The following LTB4R2 variants were observed in gnomAD, a reference collection of about 807,000 sequenced individuals.
LTB4R2 encodes the protein leukotriene B4 receptor 2, also known as LTB4 receptor JULF2.
Under a neutral mutation model 5.3 loss-of-function variants are expected in LTB4R2, and 6 were observed. The ratio of observed to expected loss-of-function variants is 1.14; its 90% CI spans 0.62 to 2.24. The LOEUF (loss-of-function observed/expected upper bound fraction) is 2.24, where lower values mean the gene tolerates loss of function less well. LTB4R2 is among the 30% of genes most tolerant of loss of function. The probability of loss-of-function intolerance (pLI) is 0.00; values close to 1 mark genes in which losing one functional copy is unlikely to be tolerated. For synonymous variants in LTB4R2, 310 were observed against 264.2 expected (o/e 1.17, Z -1.68); for missense variants, 560 against 521.5 (o/e 1.07, Z -0.72).
At chr14:24,310,444 T>A in intron 1 of LTB4R2, 189 bp downstream of exon 1, 1 of 686,210 alleles carries the variant, frequency 1.5e-6, no homozygotes, top group South Asian at 1.5e-5. Flanking sequence ...GTGGGGCAGG[T>A]CAACTGACTG....
chr14:24,310,737 G>C lies in LTB4R2; in HGVS notation c.73G>C (p.Ala25Pro). 1.2e-6 allele frequency: 2 copies of C among 1,612,060 alleles called. No individual in the cohort carries two copies. Among genetic ancestry groups the C allele is most frequent in the Non-Finnish European group, 1.7e-6 (2 of 1,179,898 alleles). The change falls in exon 2 of 2, where the codon GCC (alanine) becomes CCC (proline). Residue 25 changes from alanine to proline, a missense_variant. Coordinates refer to ENST00000533293, the MANE Select transcript of LTB4R2 (RefSeq NM_019839.5). ...SWKTSRATGT[A>P]FLLLAALLGL... Reference sequence around the variant, plus strand: ...GAAGACTTCGCGGGCCACAGGCACAGCCTTCCTGCTGCTGGCGGCGCTGCT... The same window carrying C: ...GAAGACTTCGCGGGCCACAGGCACACCCTTCCTGCTGCTGGCGGCGCTGCT...
rs2041669697 is a variant in LTB4R2, at chr14:24,310,808, G to GCGGGCTGT, written c.147_148insGCTGTCGG (p.Pro50AlafsTer36). 3 of 1,597,712 alleles carry GCGGGCTGT rather than the reference G, an allele frequency of 1.9e-6. No individual in the cohort carries two copies. The highest frequency in any genetic ancestry group is 2.6e-6 in the Non-Finnish European group (3 of 1,174,340). On this transcript the variant is annotated frameshift_variant, in exon 2 of 2. Coordinates refer to ENST00000533293, the MANE Select transcript of LTB4R2 (RefSeq NM_019839.5). LOFTEE classifies it low-confidence loss of function (END_TRUNC). ...TCGTGGTGTGGAGCTTGGCGGGCTG[G>GCGGGCTGT]CGGCCTGCACGGGGGCGACCGCTGG...
Position 24,311,061 on chromosome 14 carries a change from C to T in LTB4R2, c.397C>T (p.Arg133Cys). ...VTRPFLAPRL[R>C]SPALARRLLL... The stretch of plus-strand genomic sequence containing the variant: ...CCGCCCCTTCCTGGCGCCTCGGCTG[C>T]GCAGCCCGGCCCTGGCCCGCCGCCT... The change falls in exon 2 of 2, where the codon CGC becomes TGC. Residue 133 changes from arginine to cysteine, a missense_variant. Physicochemically the swap from Arg to Cys is radical, Grantham distance 180. Coordinates refer to ENST00000533293, the MANE Select transcript of LTB4R2 (RefSeq NM_019839.5). The T allele has an allele frequency of 6.4e-7, 1 of 1,566,442 alleles. No individual in the cohort carries two copies. The highest frequency in any genetic ancestry group is 8.6e-7 in the Non-Finnish European group (1 of 1,165,636).
Position 24,311,873 on chromosome 14 carries a change from A to C in LTB4R2, c.*132A>C. 1 of 854,394 alleles carries C rather than the reference A, an allele frequency of 1.2e-6. No individual in the cohort carries two copies. Among genetic ancestry groups the C allele is most frequent in the East Asian group, 2.7e-5 (1 of 37,084 alleles). 52.9% of individuals were successfully genotyped at this position (854,394 alleles called of 1,614,324 possible). ...TTGGATCTGGCTGGGTAGGATTACT[A>C]TACACTTGGGGCAGGCCCAGGCTCC... is the stretch of plus-strand genomic sequence containing the variant. On this transcript the variant is annotated 3_prime_UTR_variant, in exon 2 of 2. Coordinates refer to ENST00000533293, the MANE Select transcript of LTB4R2 (RefSeq NM_019839.5).
Position 24,311,324 on chromosome 14 carries a change from G to T in LTB4R2, c.660G>T (p.Ala220=). The change falls in exon 2 of 2, where the codon GCG becomes GCT. Residue 220 remains alanine (A), a synonymous_variant. Transcript: ENST00000533293. The stretch of plus-strand genomic sequence containing the variant: ...GCTGGGGCTCCGGGCGGCACGGGGC[G>T]CGGGTGGGCCGGCTGGTGAGCGCCA... ...GARWGSGRHG[A]RVGRLVSAIV... 1 of 1,599,882 alleles carries T rather than the reference G, an allele frequency of 6.3e-7. No homozygotes were observed.
At position 24,311,685 on chromosome 14, in the gene LTB4R2, G is replaced by C. The variant is rs781449905; in HGVS notation, c.1021G>C (p.Gly341Arg). The change falls in exon 2 of 2, where the codon GGC becomes CGC. Residue 341 changes from glycine to arginine, a missense_variant. By Grantham distance (125) the Gly-to-Arg change is moderately radical. Transcript: ENST00000533293. ...GCTGAAAGTGGTGGGGCAGGGCCGC[G>C]GCAATGGAGACCCGGGGGGTGGGAT... Reference protein sequence around the residue: ...PQLKVVGQGRGNGDPGGGMEK... With the variant: ...PQLKVVGQGRRNGDPGGGMEK... 6.2e-7 allele frequency: 1 copy of C among 1,609,290 alleles called. No homozygotes were observed. The highest frequency in any genetic ancestry group is 8.5e-7 in the Non-Finnish European group (1 of 1,176,878).
At position 24,311,347 on chromosome 14, in the gene LTB4R2, C is replaced by T. The variant is rs369905908; in HGVS notation, c.683C>T (p.Ala228Val). ...HGARVGRLVS[A>V]IVLAFGLLWA... ...GCGCGGGTGGGCCGGCTGGTGAGCGCCATCGTGCTTGCCTTCGGCTTGCTC... is the reference window on the plus strand; with the variant it reads ...GCGCGGGTGGGCCGGCTGGTGAGCGTCATCGTGCTTGCCTTCGGCTTGCTC... The change falls in exon 2 of 2, where the codon GCC becomes GTC. Residue 228 changes from alanine to valine, a missense_variant. Ala to Val is a moderately conservative substitution (Grantham distance 64, BLOSUM62 0). Transcript: ENST00000533293. The T allele has an allele frequency of 5.0e-6, 8 of 1,605,664 alleles. No individual in the cohort carries two copies. The highest frequency in any genetic ancestry group is 5.9e-6 in the Non-Finnish European group (7 of 1,178,846).
chr14:24,310,857 G>C lies in LTB4R2; in HGVS notation c.193G>C (p.Ala65Pro), dbSNP rs2041671694. 1 of 1,592,136 alleles carries C rather than the reference G, an allele frequency of 6.3e-7. No homozygotes were observed. The highest frequency in any genetic ancestry group is 2.2e-5 in the East Asian group (1 of 44,530). Residue 65 changes from alanine (A) to proline (P), a missense_variant, in exon 2 of 2, where the codon GCG (alanine) becomes CCG (proline). Transcript: ENST00000533293. ...GGCGGCCACGCTTGTGCTGCACCTG[G>C]CGCTGGCCGACGGCGCGGTGCTGCT... ...PLAATLVLHL[A>P]LADGAVLLLT...
At position 24,310,915 on chromosome 14, in the gene LTB4R2, G is replaced by T. The variant is rs1291919442; in HGVS notation, c.251G>T (p.Arg84Leu). Residue 84 changes from arginine to leucine, a missense_variant, in exon 2 of 2, where the codon CGG becomes CTG. Transcript: ENST00000533293. ...LTPLFVAFLT[R>L]QAWPLGQAGC... is the part of the protein sequence containing the mutation. ...CCGCTCTTTGTGGCCTTCCTGACCC[G>T]GCAGGCCTGGCCGCTGGGCCAGGCG... The T allele has an allele frequency of 6.3e-7, 1 of 1,589,874 alleles. No homozygotes were observed. Among genetic ancestry groups the T allele is most frequent in the African/African-American group, 1.4e-5 (1 of 73,992 alleles).
chr14:24,310,369 T>G lies in LTB4R2; in HGVS notation c.-11+114T>G, dbSNP rs2041650259. On this transcript the variant is annotated intron_variant, in intron 1 of 1. Coordinates refer to ENST00000533293, the MANE Select transcript of LTB4R2 (RefSeq NM_019839.5). ...CAGACTAGAGGAGTGGTGGTAGAGA[T>G]AGTGACAGCCTGGGGTGATGACTTT... 4.9e-6 allele frequency: 3 copies of G among 608,948 alleles called. No homozygotes were observed. The South Asian group carries it at 5.9e-5, about 12-fold the overall frequency. 37.7% of individuals were successfully genotyped at this position (608,948 alleles called of 1,614,324 possible). A position where few individuals can be genotyped will look rare whatever the true frequency, so the allele number is the denominator to read the frequency against.
Position 24,311,403 on chromosome 14 carries a change from C to CG in LTB4R2, c.739_740insG (p.Gln247ArgfsTer36). 1 of 1,601,740 alleles carries CG rather than the reference C, an allele frequency of 6.2e-7. No individual in the cohort carries two copies. The highest frequency in any genetic ancestry group is 8.5e-7 in the Non-Finnish European group (1 of 1,179,678). On this transcript the variant is annotated frameshift_variant, in exon 2 of 2. Coordinates refer to ENST00000533293, the MANE Select transcript of LTB4R2 (RefSeq NM_019839.5). LOFTEE classifies it low-confidence loss of function (END_TRUNC). ...CCCCTACCACGCAGTCAACCTTCTG[C>CG]AGGCGGTCGCAGCGCTGGCTCCACC...
rs1393456312 is a variant in LTB4R2, at chr14:24,310,780, G to C, written c.116G>C (p.Gly39Ala). The change falls in exon 2 of 2, where the codon GGC (glycine) becomes GCC (alanine). Residue 39 changes from glycine to alanine, a missense_variant. By Grantham distance (60) the Gly-to-Ala change is moderately conservative. Coordinates refer to ENST00000533293, the MANE Select transcript of LTB4R2 (RefSeq NM_019839.5). The stretch of plus-strand genomic sequence containing the variant: ...GCGCTGCTGGGGCTGCCTGGCAACG[G>C]CTTCGTGGTGTGGAGCTTGGCGGGC... The part of the protein sequence containing the change: ...LAALLGLPGN[G>A]FVVWSLAGWR... 4 of 1,606,754 alleles carry C rather than the reference G, an allele frequency of 2.5e-6. No individual in the cohort carries two copies. The African/African-American group carries it at 5.4e-5, about 22-fold the overall frequency.
rs1217742239 is a variant in LTB4R2, at chr14:24,311,473, G to A, written c.809G>A (p.Arg270Gln). 6 of 1,601,384 alleles carry A rather than the reference G, an allele frequency of 3.7e-6. No homozygotes were observed. Among genetic ancestry groups the A allele is most frequent in the South Asian group, 2.2e-5 (2 of 91,082 alleles). The change falls in exon 2 of 2, where the codon CGA (arginine) becomes CAA (glutamine). Residue 270 changes from arginine to glutamine, a missense_variant. By Grantham distance (43) the Arg-to-Gln change is conservative (BLOSUM62 1). Coordinates refer to ENST00000533293, the MANE Select transcript of LTB4R2 (RefSeq NM_019839.5). Reference sequence around the variant, plus strand: ...CTGGGCGGAGCCGGCCAGGCGGCGCGAGCGGGAACTACGGCCTTGGCCTTC... The same window carrying A: ...CTGGGCGGAGCCGGCCAGGCGGCGCAAGCGGGAACTACGGCCTTGGCCTTC... ...AKLGGAGQAARAGTTALAFFS... is the reference protein window; with the variant it reads ...AKLGGAGQAAQAGTTALAFFS...
rs1425389350 is a variant in LTB4R2, at chr14:24,310,999, C to G, written c.335C>G (p.Thr112Ser). The change falls in exon 2 of 2, where the codon ACC (threonine) becomes AGC (serine). Residue 112 changes from threonine (T) to serine (S), a missense_variant. Coordinates refer to ENST00000533293, the MANE Select transcript of LTB4R2 (RefSeq NM_019839.5). ...ALSMYASVLLTGLLSLQRCLA... is the reference protein window; with the variant it reads ...ALSMYASVLLSGLLSLQRCLA... ...AGCATGTACGCCAGCGTGCTGCTCA[C>G]CGGCCTGCTCAGCCTGCAGCGCTGC... 6.3e-7 allele frequency: 1 copy of G among 1,587,928 alleles called. No individual in the cohort carries two copies.
chr14:24,311,027 C>T lies in LTB4R2; in HGVS notation c.363C>T (p.Leu121=). The change falls in exon 2 of 2, where the codon CTC becomes CTT. Residue 121 remains leucine, a synonymous_variant. Coordinates refer to ENST00000533293, the MANE Select transcript of LTB4R2 (RefSeq NM_019839.5). ...LTGLLSLQRC[L]AVTRPFLAPR... The stretch of plus-strand genomic sequence containing the variant: ...GCCTGCTCAGCCTGCAGCGCTGCCT[C>T]GCAGTCACCCGCCCCTTCCTGGCGC... The T allele has an allele frequency of 3.2e-6, 5 of 1,582,182 alleles. No individual in the cohort carries two copies. The highest frequency in any genetic ancestry group is 3.4e-6 in the Non-Finnish European group (4 of 1,173,430).
rs766518366 is a variant in LTB4R2, at chr14:24,311,053, C to T, written c.389C>T (p.Pro130Leu). 93 of 1,572,272 alleles carry T rather than the reference C, an allele frequency of 5.9e-5. 1 individual carries two copies. In the East Asian group the frequency reaches 1.9e-3, roughly 33 times the overall value. Residue 130 changes from proline (P) to leucine (L), a missense_variant, in exon 2 of 2, where the codon CCT becomes CTT. Coordinates refer to ENST00000533293, the MANE Select transcript of LTB4R2 (RefSeq NM_019839.5). Reference sequence around the variant, plus strand: ...GCAGTCACCCGCCCCTTCCTGGCGCCTCGGCTGCGCAGCCCGGCCCTGGCC... The same window carrying T: ...GCAGTCACCCGCCCCTTCCTGGCGCTTCGGCTGCGCAGCCCGGCCCTGGCC... ...CLAVTRPFLA[P>L]RLRSPALARR...
rs567098575 is a variant in LTB4R2, at chr14:24,311,623, C to G, written c.959C>G (p.Ser320Cys). 8.7e-6 allele frequency: 14 copies of G among 1,613,318 alleles called. No individual in the cohort carries two copies. In the South Asian group the frequency reaches 8.8e-5, roughly 10 times the overall value. ...GSGEARGGGRSREGTMELRTT... is the reference protein window; with the variant it reads ...GSGEARGGGRCREGTMELRTT... ...GGGGAGGCCCGAGGGGGCGGCCGCT[C>G]TAGGGAAGGGACCATGGAGCTCCGA... Residue 320 changes from serine to cysteine, a missense_variant, in exon 2 of 2, where the codon TCT becomes TGT. Coordinates refer to ENST00000533293, the MANE Select transcript of LTB4R2 (RefSeq NM_019839.5).
chr14:24,310,747 T>C lies in LTB4R2; in HGVS notation c.83T>C (p.Leu28Pro). Residue 28 changes from leucine to proline, a missense_variant, in exon 2 of 2, where the codon CTG becomes CCG. Coordinates refer to ENST00000533293, the MANE Select transcript of LTB4R2 (RefSeq NM_019839.5). ...CGGGCCACAGGCACAGCCTTCCTGC[T>C]GCTGGCGGCGCTGCTGGGGCTGCCT... ...TSRATGTAFLLLAALLGLPGN... is the reference protein window; with the variant it reads ...TSRATGTAFLPLAALLGLPGN... The C allele has an allele frequency of 6.2e-7, 1 of 1,611,272 alleles. No homozygotes were observed. Among genetic ancestry groups the C allele is most frequent in the South Asian group, 1.1e-5 (1 of 91,084 alleles).
At position 24,311,127 on chromosome 14, in the gene LTB4R2, C is replaced by G. The variant is rs1594636674; in HGVS notation, c.463C>G (p.Pro155Ala). 5 of 1,584,264 alleles carry G rather than the reference C, an allele frequency of 3.2e-6. No homozygotes were observed. Among genetic ancestry groups the G allele is most frequent in the Non-Finnish European group, 4.3e-6 (5 of 1,170,704 alleles). The change falls in exon 2 of 2, where the codon CCG (proline) becomes GCG (alanine). Residue 155 changes from proline (P) to alanine (A), a missense_variant. Transcript: ENST00000533293. ...GCTGGCCGCCCTGTTGCTCGCCGTC[C>G]CGGCCGCCGTCTACCGCCACCTGTG... is the stretch of plus-strand genomic sequence containing the variant. ...VWLAALLLAVPAAVYRHLWRD... is the reference protein window; with the variant it reads ...VWLAALLLAVAAAVYRHLWRD...
Sources: allele counts gnomAD v4.1 joint callset, GRCh38; gene constraint gnomAD v4.1.1; transcripts MANE v1.5; gene names NCBI Gene and HGNC (gene_info 2026-07-23, HGNC 2026-07-21).